The following PDE1C variants were observed in gnomAD, a reference collection of about 807,000 sequenced individuals.
The protein encoded by PDE1C is dual specificity calcium/calmodulin-dependent 3',5'-cyclic nucleotide phosphodiesterase 1C.
PDE1C carries 62 observed loss-of-function variants against 93.1 expected under a neutral mutation model. That is an observed-to-expected ratio of 0.67 (90% CI 0.54 to 0.82). The LOEUF is 0.82. Ranked by LOEUF, PDE1C falls within the 40% of genes least tolerant of loss-of-function variation. The pLI is 0.00. For synonymous variants in PDE1C, 325 were observed against 310.1 expected (o/e 1.05, Z -0.50); for missense variants, 742 against 884.6 (o/e 0.84, Z 2.04).
At chr7:31,681,562 T>C in the PDE1C span, among the ~76,000 whole-genome samples, 1 of 152,216 alleles carries the variant, frequency 6.6e-6, no homozygotes, top group African/African-American at 2.4e-5. Context: ...GGCTCATATC[T>C]CTGGTAGAGC....
At chr7:32,185,203 C>T (rs1179026964) in intron 2 of PDE1C, among the ~76,000 whole-genome samples, 1 of 146,110 alleles carries the variant, frequency 6.8e-6, no homozygotes, top group Admixed American at 6.9e-5. Context: ...TGAGATAGTG[C>T]CATTGCACTC....
intron 1 of PDE1C, among the ~76,000 whole-genome samples, chr7:32,363,756 C>A (rs1784181557): frequency 6.6e-6 from 1 of 152,318 alleles, no homozygotes; most frequent in East Asian, 1.9e-4. Flanking sequence ...TGATGCTGTT[C>A]ACACTGGCTG....
intron 2 of PDE1C, among the ~76,000 whole-genome samples, chr7:32,031,319 C>T (rs781735321): frequency 6.6e-6 from 1 of 152,138 alleles, no homozygotes; most frequent in Non-Finnish European, 1.5e-5. Context: ...TTACTATACA[C>T]TGATTCCCCC....
At chr7:32,059,987 G>A (rs1794613939) in intron 1 of PDE1C, among the ~76,000 whole-genome samples, 1 of 152,150 alleles carries the variant, frequency 6.6e-6, no homozygotes, top group African/African-American at 2.4e-5. Context: ...CCCGTCTCCT[G>A]CTTAAATAAA....
chr7:31,944,459 T>C (rs1021080971), intron 2 of PDE1C, among the ~76,000 whole-genome samples: 19 of 152,134 alleles, frequency 1.2e-4, no homozygotes, highest in Non-Finnish European at 2.6e-4. Flanking sequence ...GATGATCGGT[T>C]AGTAATTGGC....
At chr7:31,667,633 A>G in the PDE1C span, among the ~76,000 whole-genome samples, 1 of 77,496 alleles carries the variant, frequency 1.3e-5, no homozygotes, top group Non-Finnish European at 2.4e-5. Context: ...AGACAAGTAA[A>G]CAAATATGAA....
At chr7:32,397,866 A>AAAAAC (rs1784864168) in intron 1 of PDE1C, among the ~76,000 whole-genome samples, 1 of 152,070 alleles carries the variant, frequency 6.6e-6, no homozygotes, top group African/African-American at 2.4e-5. Flanking sequence ...TACAAAAAAA[A>AAAAAC]AAAATTAGCC....
At chr7:32,313,708 A>T (rs1783106840) in intron 1 of PDE1C, among the ~76,000 whole-genome samples, 1 of 144,780 alleles carries the variant, frequency 6.9e-6, no homozygotes, top group Admixed American at 7.0e-5. Context: ...AACCATGAGA[A>T]CACATGGACA....
chr7:31,750,287 G>T (rs1365380479), downstream of PDE1C, among the ~76,000 whole-genome samples: 1 of 42,872 alleles, frequency 2.3e-5, no homozygotes, highest in African/African-American at 4.1e-5. Flanking sequence ...GTAGATGAAG[G>T]CCCAAGGAGG....
rs557149636 is a variant in PDE1C at position 32,267,472 on chromosome 7, G to C, written c.85+31179C>G. Among the ~76,000 whole-genome samples, 10 of 152,282 alleles carry C rather than the reference G, an allele frequency of 6.6e-5. No homozygotes were observed. The South Asian group carries it at 8.3e-4, about 13-fold the overall frequency. ...AGAAAGTGGAGTCAGGTAGAAGGGG[G>C]TGACCCATCAAGCACTGGGGCCAAG... is the stretch of plus-strand genomic sequence containing the variant. On this transcript the variant is annotated intron_variant, in intron 1 of 18. Transcript: ENST00000396193.
chr7:32,239,279 G>T (rs1042881653), intron 1 of PDE1C, among the ~76,000 whole-genome samples: 1 of 152,082 alleles, frequency 6.6e-6, no homozygotes, highest in Non-Finnish European at 1.5e-5. Flanking sequence ...GCTCATACTA[G>T]CTACTCAGGA....
At chr7:31,726,240 T>A in the PDE1C span, among the ~76,000 whole-genome samples, 13 of 150,782 alleles carry the variant, frequency 8.6e-5, no homozygotes, top group African/African-American at 2.5e-4. Flanking sequence ...ATTTTTTTTT[T>A]AATTTTGTAG....
At chr7:32,334,506 G>A (rs1783575761) in intron 1 of PDE1C, among the ~76,000 whole-genome samples, 1 of 152,012 alleles carries the variant, frequency 6.6e-6, no homozygotes, top group South Asian at 2.1e-4. Flanking sequence ...CTCTAGCGGT[G>A]CTTTGTGAGG....
Position 31,864,999 on chromosome 7 carries a change from C to A in PDE1C, c.693G>T (p.Met231Ile). The A allele has an allele frequency of 6.2e-7, 1 of 1,614,030 alleles. No individual in the cohort carries two copies. The highest frequency in any genetic ancestry group is 8.5e-7 in the Non-Finnish European group (1 of 1,179,948). The change falls in exon 7 of 18, where the codon ATG (methionine) becomes ATT (isoleucine). Residue 231 changes from methionine to isoleucine, a missense_variant. Met to Ile is a conservative substitution (Grantham distance 10). Around this residue, in one of 4 missense-constraint regions of PDE1C, gnomAD observed 205 missense variants for 295.3 expected, o/e 0.69. Transcript: ENST00000396191. The part of the protein sequence containing the change: ...SKHKNPYHNL[M>I]HAADVTQTVH... ...CTGTCTGTGTAACATCGGCAGCGTG[C>A]ATTAAGTTATGGTAAGGATTTTTGT...
rs1486417855 is a variant in PDE1C at position 31,851,081 on chromosome 7, C to T, written c.751-340G>A. Among the ~76,000 whole-genome samples the T allele has an allele frequency of 2.3e-4, 7 of 30,866 alleles. No individual in the cohort carries two copies. In the Admixed American group the frequency reaches 3.9e-3, roughly 17 times the overall value. The allele number at this position is 30,866 out of a possible 152,430, so 20.2% of individuals were successfully genotyped here. A position where few individuals can be genotyped will look rare whatever the true frequency, so the allele number is the denominator to read the frequency against. ...AGGTAGACACACACACACACACACA[C>T]ACACACACACACACACACATAAAAA... On this transcript the variant is annotated intron_variant, in intron 7 of 17. Coordinates refer to ENST00000396191, the MANE Select transcript of PDE1C (RefSeq NM_001191057.4).
chr7:31,790,678 C>T (rs957561227), intron 16 of PDE1C, among the ~76,000 whole-genome samples: 1 of 152,130 alleles, frequency 6.6e-6, no homozygotes, highest in African/African-American at 2.4e-5. Flanking sequence ...TCCTCCCTCT[C>T]AGAATTCTTG....
the PDE1C span, among the ~76,000 whole-genome samples, chr7:31,741,989 G>C: frequency 6.6e-6 from 1 of 152,216 alleles, no homozygotes; most frequent in Non-Finnish European, 1.5e-5. Context: ...CACTGGATGA[G>C]AGCTCCGGAG....
At chr7:31,698,252 A>G in the PDE1C span, among the ~76,000 whole-genome samples, 1 of 152,244 alleles carries the variant, frequency 6.6e-6, no homozygotes, top group Non-Finnish European at 1.5e-5. Context: ...CACGACAGAA[A>G]CAGTCAGGGG....
chr7:31,948,020 C>T (rs772590621), intron 2 of PDE1C, among the ~76,000 whole-genome samples: 1 of 152,118 alleles, frequency 6.6e-6, no homozygotes, highest in African/African-American at 2.4e-5. Context: ...AAGACTAAAC[C>T]CAATTCTAAC....
Sources: allele counts gnomAD v4.1 joint callset (sites outside exome capture counted in the v4.1 genomes callset), GRCh38; gene constraint gnomAD v4.1.1; regional missense constraint gnomAD v4.1.1; transcripts MANE v1.5; gene names NCBI Gene and HGNC (gene_info 2026-07-23, HGNC 2026-07-21).